FHIT: variants seen among roughly 807,000 people sequenced by gnomAD.
The protein encoded by FHIT is fragile histidine triad diadenosine triphosphatase, also known as bis(5'-adenosyl)-triphosphatase.
A neutral mutation model predicts 17.9 loss-of-function variants in FHIT; 19 were observed. The observed-to-expected ratio is 1.06, with a 90% CI of 0.74 to 1.56. The LOEUF is 1.56. Among genes scored for constraint, FHIT ranks in the 40% most tolerant of loss-of-function variants. FHIT has a pLI of 0.00. For missense variants in FHIT, 248 were observed against 189.2 expected, an observed-to-expected ratio of 1.31 and a Z score of -1.82; for synonymous variants, 81 against 69.7, an observed-to-expected ratio of 1.16 and a Z score of -0.81.
At chr3:61,032,179 T>G (rs1487178870) in intron 3 of FHIT, among the ~76,000 whole-genome samples, 1 of 152,204 alleles carries the variant, frequency 6.6e-6, no homozygotes, top group Non-Finnish European at 1.5e-5. Flanking sequence ...TACAGGTAAA[T>G]AATATTCTGT....
intron 3 of FHIT, among the ~76,000 whole-genome samples, chr3:60,861,190 T>TATATGATATATATC (rs1553752304): frequency 3.3e-4 from 1 of 2,988 alleles, no homozygotes; most frequent in Non-Finnish European, 6.1e-4. Context: ...ATATATGATA[T>TATATGATATATATC]ATATCATATA....
intron 7 of FHIT, among the ~76,000 whole-genome samples, chr3:59,978,007 C>T (rs1486663813): frequency 6.6e-6 from 1 of 152,114 alleles, no homozygotes; most frequent in Non-Finnish European, 1.5e-5. Flanking sequence ...TTAATAAATG[C>T]ATTTAGCAAG....
At chr3:60,027,272 G>T (rs1414997278) in intron 5 of FHIT, among the ~76,000 whole-genome samples, 3 of 151,894 alleles carry the variant, frequency 2.0e-5, no homozygotes, top group Admixed American at 6.6e-5. Context: ...TAAGGAAAAA[G>T]AAAACTGTGG....
At chr3:60,031,612 C>T (rs1330473590) in intron 5 of FHIT, among the ~76,000 whole-genome samples, 2 of 152,154 alleles carry the variant, frequency 1.3e-5, no homozygotes, top group Non-Finnish European at 1.5e-5. Context: ...AGTAACCAAA[C>T]AGCACCAATG....
At chr3:59,875,413 G>A (rs1324206293) in intron 8 of FHIT, among the ~76,000 whole-genome samples, 3 of 152,178 alleles carry the variant, frequency 2.0e-5, no homozygotes, top group Non-Finnish European at 4.4e-5. Flanking sequence ...AAGTGTGGGC[G>A]AAGCCATCCT....
At chr3:60,278,623 C>G (rs1022275085) in intron 5 of FHIT, among the ~76,000 whole-genome samples, 2 of 151,638 alleles carry the variant, frequency 1.3e-5, no homozygotes, top group African/African-American at 4.8e-5. Context: ...ACAGGGAAGA[C>G]AAAAAATACG....
chr3:61,209,408 G>C (rs1218727513), intron 1 of FHIT, among the ~76,000 whole-genome samples: 1 of 152,194 alleles, frequency 6.6e-6, no homozygotes, highest in Non-Finnish European at 1.5e-5. Flanking sequence ...ATCCTGCAGA[G>C]TGTTTTCCAA....
chr3:60,637,112 T>C (rs2039607670), intron 4 of FHIT, among the ~76,000 whole-genome samples: 1 of 151,910 alleles, frequency 6.6e-6, no homozygotes, highest in Admixed American at 6.6e-5. Context: ...AGAATCCCCT[T>C]CATTAAAACT....
intron 3 of FHIT, among the ~76,000 whole-genome samples, chr3:60,867,805 TA>T (rs1704231452): frequency 6.6e-6 from 1 of 152,166 alleles, no homozygotes; most frequent in South Asian, 2.1e-4. Context: ...ATGACTACAA[TA>T]AGCAGAGCCC....
At chr3:59,835,454 A>C (rs1701307444) in intron 8 of FHIT, among the ~76,000 whole-genome samples, 5 of 152,162 alleles carry the variant, frequency 3.3e-5, no homozygotes. Context: ...TATACTGCAA[A>C]GACACAAAGA....
intron 7 of FHIT, among the ~76,000 whole-genome samples, chr3:60,011,146 CAAT>C (rs1700119721): frequency 6.8e-6 from 1 of 147,114 alleles, no homozygotes; most frequent in Non-Finnish European, 1.5e-5. Context: ...AGCGTTTGCA[CAAT>C]AATAATTTTA....
At chr3:60,248,263 T>G (rs1705506828) in intron 5 of FHIT, among the ~76,000 whole-genome samples, 1 of 152,138 alleles carries the variant, frequency 6.6e-6, no homozygotes, top group Non-Finnish European at 1.5e-5. Flanking sequence ...AACAAATTTG[T>G]TTTCAGAAAT....
intron 5 of FHIT, among the ~76,000 whole-genome samples, chr3:60,478,233 A>T (rs1243755956): frequency 6.6e-6 from 1 of 152,182 alleles, no homozygotes; most frequent in African/African-American, 2.4e-5. Flanking sequence ...AAGTTCACAC[A>T]GCTACCAAAA....
At chr3:60,492,435 T>G (rs1219453715) in intron 5 of FHIT, among the ~76,000 whole-genome samples, 2 of 152,162 alleles carry the variant, frequency 1.3e-5, no homozygotes, top group African/African-American at 4.8e-5. Context: ...TCATAAATAC[T>G]TCTTAAGGTG....
chr3:60,841,842 A>G (rs946222952), intron 3 of FHIT, among the ~76,000 whole-genome samples: 1 of 152,190 alleles, frequency 6.6e-6, no homozygotes, highest in Non-Finnish European at 1.5e-5. Flanking sequence ...ATGTCTTAGA[A>G]CTGAGAAGGC....
chr3:60,479,293 CA>C (rs2033494889), intron 5 of FHIT, among the ~76,000 whole-genome samples: 1 of 152,114 alleles, frequency 6.6e-6, no homozygotes, highest in African/African-American at 2.4e-5. Flanking sequence ...AGATGACTAT[CA>C]TACCAATTGA....
intron 3 of FHIT, among the ~76,000 whole-genome samples, chr3:60,979,066 T>A (rs1710380638): frequency 6.6e-6 from 1 of 152,238 alleles, no homozygotes; most frequent in Admixed American, 6.5e-5. Flanking sequence ...TTTCTTGCTG[T>A]ATCAAATGAT....
intron 3 of FHIT, among the ~76,000 whole-genome samples, chr3:60,875,607 G>A (rs1169175688): frequency 1.3e-5 from 2 of 152,032 alleles, no homozygotes; most frequent in African/African-American, 2.4e-5. Flanking sequence ...ATAGTTATTC[G>A]AGTGAAAACT....
intron 5 of FHIT, among the ~76,000 whole-genome samples, chr3:60,235,145 A>G (rs902922078): frequency 6.6e-6 from 1 of 151,854 alleles, no homozygotes; most frequent in Non-Finnish European, 1.5e-5. Context: ...CAACTAAAAC[A>G]TGGCATATTG....
Sources: gnomAD v4.1 joint callset for allele counts (sites outside exome capture counted in the v4.1 genomes callset) on GRCh38, gnomAD v4.1.1 for gene constraint, MANE v1.5 for transcripts, NCBI Gene and HGNC (gene_info 2026-07-23, HGNC 2026-07-21) for gene names.